XPO4: variants seen among roughly 807,000 people sequenced by gnomAD.
XPO4 encodes exportin 4.
A neutral mutation model predicts 143.0 loss-of-function variants in XPO4; 39 were observed. The ratio of observed to expected loss-of-function variants is 0.27; its 90% confidence interval spans 0.21 to 0.36. The LOEUF (loss-of-function observed/expected upper bound fraction) is 0.36, where lower values mean the gene tolerates loss of function less well. XPO4 is among the 10% of genes least tolerant of loss of function. XPO4 has a pLI of 1.00. For synonymous variants in XPO4, 439 were observed against 474.0 expected (o/e 0.93, Z 0.96); for missense variants, 907 against 1,348.0 (o/e 0.67, Z 5.12).
chr13:20,842,792 T>C, intron 6 of XPO4, 103 bp downstream of exon 6: 3 of 1,067,296 alleles, frequency 2.8e-6, no homozygotes, highest in Middle Eastern at 2.2e-4. Context: ...TTATTTTCTT[T>C]CAATATGTTT....
intron 3 of XPO4, among the ~76,000 whole-genome samples, chr13:20,859,111 T>C (rs1001274697): frequency 4.0e-5 from 6 of 149,530 alleles, no homozygotes; most frequent in African/African-American, 1.5e-4. Context: ...GCAGGAGGAC[T>C]GTTTGAGCTC....
chr13:20,883,534 C>G (rs1322006053), intron 1 of XPO4, among the ~76,000 whole-genome samples: 2 of 152,170 alleles, frequency 1.3e-5, no homozygotes, highest in African/African-American at 4.8e-5. Flanking sequence ...ACCAGAATAA[C>G]ATTTTCAGGG....
intron 4 of XPO4, among the ~76,000 whole-genome samples, chr13:20,854,805 G>A (rs1278185834): frequency 3.9e-5 from 6 of 152,160 alleles, no homozygotes; most frequent in African/African-American, 1.2e-4. Flanking sequence ...AGAGTGGAGA[G>A]GGTGGGAGAA....
At chr13:20,898,524 C>T (rs1304013754) in intron 1 of XPO4, among the ~76,000 whole-genome samples, 1 of 151,898 alleles carries the variant, frequency 6.6e-6, no homozygotes, top group African/African-American at 2.4e-5. Flanking sequence ...GAGATTGTGC[C>T]ATTGCACTCC....
At chr13:20,801,111 T>TGTAGA in intron 13 of XPO4, 121 bp from the exon 14 acceptor site, 1 of 1,096,986 alleles carries the variant, frequency 9.1e-7, no homozygotes, top group Non-Finnish European at 1.3e-6. Flanking sequence ...CAGGCTATAC[T>TGTAGA]TGAACATTTC....
intron 13 of XPO4, 115 bp downstream of exon 13, chr13:20,807,342 T>A: frequency 9.2e-7 from 1 of 1,092,300 alleles, no homozygotes; most frequent in Non-Finnish European, 1.3e-6. Flanking sequence ...AAGTTTTCAT[T>A]TTTTTCATGT....
rs1359930319 is a variant in XPO4 at position 20,859,969 on chromosome 13, A to G, written c.317+2748T>C. The G allele has an allele frequency of 9.6e-6, 4 of 417,712 alleles. No individual in the cohort carries two copies. In the South Asian group the frequency reaches 3.0e-4, roughly 31 times the overall value. 25.9% of individuals were successfully genotyped at this position (417,712 alleles called of 1,614,324 possible). On this transcript the variant is annotated intron_variant, in intron 3 of 22. Coordinates refer to ENST00000255305, the MANE Select transcript of XPO4 (RefSeq NM_022459.5). ...AGGGGGAGAAAAGGCTATGACAACTAAACAGCTCCACAAAAAAGAACCGCT... is the reference window on the plus strand; with the variant it reads ...AGGGGGAGAAAAGGCTATGACAACTGAACAGCTCCACAAAAAAGAACCGCT...
intron 1 of XPO4, among the ~76,000 whole-genome samples, chr13:20,882,522 A>G (rs939438719): frequency 6.6e-6 from 1 of 152,134 alleles, no homozygotes; most frequent in African/African-American, 2.4e-5. Flanking sequence ...TACTAGGCCC[A>G]CCTCCAACAT....
At chr13:20,834,559 C>T (rs4462442) in intron 6 of XPO4, among the ~76,000 whole-genome samples, 138 of 150,448 alleles carry the variant, frequency 9.2e-4, no homozygotes, top group African/African-American at 3.1e-3. Flanking sequence ...GGCAACAGGG[C>T]GAGACCCAGT....
Position 20,902,721 on chromosome 13 carries a change from C to G in XPO4, c.18G>C (p.Leu6=), listed in dbSNP as rs777126723. MMAAA[L]GPPEVIAQLE... Reference sequence around the variant, plus strand: ...GCTGAGCGATCACTTCTGGGGGCCCCAGCGCCGCCGCCATCATGGTCTCTC... The same window carrying G: ...GCTGAGCGATCACTTCTGGGGGCCCGAGCGCCGCCGCCATCATGGTCTCTC... The change falls in exon 1 of 23, where the codon CTG becomes CTC. Residue 6 remains leucine, a synonymous_variant. Transcript: ENST00000255305. 2 of 1,559,164 alleles carry G rather than the reference C, an allele frequency of 1.3e-6. No homozygotes were observed. Among genetic ancestry groups the G allele is most frequent in the Non-Finnish European group, 8.7e-7 (1 of 1,151,890 alleles).
intron 1 of XPO4, among the ~76,000 whole-genome samples, chr13:20,875,814 T>C (rs772043820): frequency 9.2e-5 from 14 of 152,310 alleles, no homozygotes; most frequent in Non-Finnish European, 1.6e-4. Context: ...TCATAATTGA[T>C]AGGAGAACTG....
chr13:20,834,959 C>T (rs930121335), intron 6 of XPO4, among the ~76,000 whole-genome samples: 1 of 152,152 alleles, frequency 6.6e-6, no homozygotes, highest in African/African-American at 2.4e-5. Context: ...GACCCTATCT[C>T]TATAAATAAT....
chr13:20,868,226 A>G (rs973345051), intron 2 of XPO4, among the ~76,000 whole-genome samples: 2 of 152,012 alleles, frequency 1.3e-5, no homozygotes, highest in African/African-American at 4.8e-5. Flanking sequence ...CTCCAAAAAC[A>G]ATCTCAATTT....
chr13:20,811,314 G>A (rs12583052), intron 9 of XPO4, among the ~76,000 whole-genome samples: 52,962 of 146,822 alleles, frequency 0.36, 11,804 homozygotes, highest in Non-Finnish European at 0.5. Context: ...TTGAGATGGA[G>A]TCTCGCTCTG....
At chr13:20,843,528 ATAAAC>A (rs140360488) in intron 5 of XPO4, among the ~76,000 whole-genome samples, 14,170 of 152,272 alleles carry the variant, frequency 0.093, 804 homozygotes, top group Non-Finnish European at 0.13. Context: ...GAAATAAATA[ATAAAC>A]TAAAGATCTT....
intron 13 of XPO4, among the ~76,000 whole-genome samples, chr13:20,807,171 T>C (rs879256755): frequency 6.6e-6 from 1 of 152,208 alleles, no homozygotes; most frequent in East Asian, 1.9e-4. Context: ...ACAGGCGTTA[T>C]GTTCCTAACT....
At chr13:20,813,036 G>A (rs763569495) in intron 9 of XPO4, among the ~76,000 whole-genome samples, 2 of 152,144 alleles carry the variant, frequency 1.3e-5, no homozygotes, top group Non-Finnish European at 2.9e-5. Context: ...ATGACTGGGA[G>A]GCCTCAGGAA....
At chr13:20,809,362 C>G in intron 10 of XPO4, 137 bp from the exon 11 acceptor site, 1 of 1,075,550 alleles carries the variant, frequency 9.3e-7, no homozygotes, top group Non-Finnish European at 1.3e-6. Context: ...CCTTTGAGCA[C>G]AGCTATCTAG....
chr13:20,848,852 C>A, intron 4 of XPO4: 1 of 985,154 alleles, frequency 1.0e-6, no homozygotes, highest in Non-Finnish European at 1.2e-6. Context: ...GAAGACAATG[C>A]AATGAGGTGT....
Sources: gnomAD v4.1 joint callset for allele counts (sites outside exome capture counted in the v4.1 genomes callset) on GRCh38, gnomAD v4.1.1 for gene constraint, MANE v1.5 for transcripts, NCBI Gene and HGNC (gene_info 2026-07-23, HGNC 2026-07-21) for gene names.